Variants in NRG2 observed in about 807,000 individuals in gnomAD.
NRG2 encodes the protein pro-neuregulin-2, membrane-bound isoform.
A neutral mutation model predicts 73.9 loss-of-function variants in NRG2; 27 were observed. The observed-to-expected ratio is 0.37, with a 90% CI of 0.27 to 0.50. The LOEUF is 0.50. NRG2 is among the 20% of genes least tolerant of loss of function. The pLI, the probability that NRG2 is intolerant of heterozygous loss-of-function variation, is 0.96. For missense variants in NRG2, 1,126 were observed against 1,210.1 expected (o/e 0.93, Z 1.03); for synonymous variants, 532 against 541.0 (o/e 0.98, Z 0.23).
chr5:139,940,924 A>G (rs1289507412), intron 1 of NRG2, among the ~76,000 whole-genome samples: 1 of 152,232 alleles, frequency 6.6e-6, no homozygotes, highest in Non-Finnish European at 1.5e-5. Context: ...AGTGGTGGAC[A>G]GCGTCAGTAA....
At chr5:140,009,826 G>A (rs575216463) in intron 1 of NRG2, among the ~76,000 whole-genome samples, 1 of 152,294 alleles carries the variant, frequency 6.6e-6, no homozygotes, top group Non-Finnish European at 1.5e-5. Flanking sequence ...AAACTTAAAT[G>A]CATATTACTA....
At chr5:139,912,942 G>A (rs1309098249) in intron 1 of NRG2, among the ~76,000 whole-genome samples, 1 of 152,150 alleles carries the variant, frequency 6.6e-6, no homozygotes, top group Non-Finnish European at 1.5e-5. Flanking sequence ...TATGTTTCCA[G>A]CTCTAGGACC....
chr5:139,924,546 T>C (rs1353722923), intron 1 of NRG2, among the ~76,000 whole-genome samples: 6 of 152,178 alleles, frequency 3.9e-5, no homozygotes, highest in Admixed American at 3.9e-4. Context: ...GTTTCTTCCT[T>C]TGTGTTCTAA....
intron 1 of NRG2, among the ~76,000 whole-genome samples, chr5:139,952,602 C>T (rs995322508): frequency 6.6e-6 from 1 of 152,144 alleles, no homozygotes; most frequent in African/African-American, 2.4e-5. Flanking sequence ...AAGCAGGGAA[C>T]CTGATATTTA....
intron 1 of NRG2, among the ~76,000 whole-genome samples, chr5:139,920,951 T>C (rs1751614463): frequency 6.6e-6 from 1 of 152,198 alleles, no homozygotes; most frequent in South Asian, 2.1e-4. Flanking sequence ...TTCCTATATA[T>C]TAGCAATGAG....
chr5:139,961,999 A>G (rs1338083733), intron 1 of NRG2, among the ~76,000 whole-genome samples: 1 of 152,022 alleles, frequency 6.6e-6, no homozygotes, highest in Non-Finnish European at 1.5e-5. Flanking sequence ...TGCTTTCCTG[A>G]CCAGCACAGA....
At chr5:139,871,874 A>G (rs1023118390) in intron 3 of NRG2, 33 bp from the exon 4 acceptor site, 14 of 1,609,426 alleles carry the variant, frequency 8.7e-6, no homozygotes, top group African/African-American at 1.3e-5. Context: ...CCAGTGACGC[A>G]CTGAGACTAT....
intron 1 of NRG2, among the ~76,000 whole-genome samples, chr5:139,979,873 A>C (rs953073658): frequency 6.6e-6 from 1 of 152,254 alleles, no homozygotes; most frequent in African/African-American, 2.4e-5. Context: ...AGAAACTGTG[A>C]GATAACAAAT....
chr5:139,896,402 C>A (rs1326921214), intron 1 of NRG2, among the ~76,000 whole-genome samples: 1 of 152,108 alleles, frequency 6.6e-6, no homozygotes, highest in East Asian at 1.9e-4. Flanking sequence ...GCCCAGGCTG[C>A]CAGAGGCCCT....
At chr5:139,872,114 G>A (rs1762891460) in intron 3 of NRG2, among the ~76,000 whole-genome samples, 1 of 152,216 alleles carries the variant, frequency 6.6e-6, no homozygotes, top group African/African-American at 2.4e-5. Flanking sequence ...GGGGGGAGCA[G>A]GGTGAGAAGA....
intron 1 of NRG2, among the ~76,000 whole-genome samples, chr5:139,914,249 G>T (rs1276478727): frequency 6.6e-6 from 1 of 152,196 alleles, no homozygotes; most frequent in African/African-American, 2.4e-5. Context: ...AGAAAGGTCT[G>T]GAGGTGGGAT....
chr5:140,012,982 C>T (rs1169027032), intron 1 of NRG2, among the ~76,000 whole-genome samples: 1 of 152,166 alleles, frequency 6.6e-6, no homozygotes, highest in African/African-American at 2.4e-5. Context: ...GCCTGACAAT[C>T]ATACTGTACC....
chr5:140,001,545 A>C (rs1758475983), intron 1 of NRG2, among the ~76,000 whole-genome samples: 1 of 152,154 alleles, frequency 6.6e-6, no homozygotes, highest in Non-Finnish European at 1.5e-5. Flanking sequence ...AGTACCTGCT[A>C]TTTGCCAAGC....
chr5:139,848,775 G>GGGC, intron 9 of NRG2, 78 bp from the exon 10 acceptor site: 1 of 601,720 alleles, frequency 1.7e-6, no homozygotes, highest in Non-Finnish European at 2.4e-6. Flanking sequence ...GTGGGGTAGG[G>GGGC]TGGGAGGGGC....
chr5:139,979,016 C>T (rs560809279), intron 1 of NRG2, among the ~76,000 whole-genome samples: 56 of 139,828 alleles, frequency 4.0e-4, no homozygotes, highest in Non-Finnish European at 7.2e-4. Flanking sequence ...TGTTCTCACT[C>T]ATAGGTGGGA....
In NRG2 at chr5:139,868,032, G is replaced by A. The variant is rs1762600115; in HGVS notation, c.1113-2407C>T. ...TGACTACAGACTTACATCTTTCATG[G>A]CCGCTGAGTTGCACAACATTATGGT... On this transcript the variant is annotated intron_variant, in intron 4 of 9. Transcript: ENST00000361474. This position sits in a 1 kb window ranked among gnomAD's most constrained non-coding sequence, Gnocchi z 4.2. Among the ~76,000 whole-genome samples the A allele has an allele frequency of 6.6e-6, 1 of 152,076 alleles. No homozygotes were observed. The highest frequency in any genetic ancestry group is 1.5e-5 in the Non-Finnish European group (1 of 68,022).
intron 1 of NRG2, among the ~76,000 whole-genome samples, chr5:139,998,035 A>T (rs1466496280): frequency 6.6e-6 from 1 of 152,240 alleles, no homozygotes; most frequent in Non-Finnish European, 1.5e-5. Flanking sequence ...TAATCTGGCT[A>T]GGAGTCCAAA....
intron 1 of NRG2, among the ~76,000 whole-genome samples, chr5:139,987,529 T>C (rs1318234080): frequency 6.6e-6 from 1 of 152,136 alleles, no homozygotes; most frequent in Non-Finnish European, 1.5e-5. Flanking sequence ...CAGAGACTGC[T>C]GAGTAACCAC....
intron 1 of NRG2, among the ~76,000 whole-genome samples, chr5:139,895,475 AG>A (rs773813148): frequency 1.8e-4 from 28 of 152,312 alleles, no homozygotes; most frequent in Non-Finnish European, 2.5e-4. Flanking sequence ...CTGGGTTCTT[AG>A]CAGTGCTTGT....
Sources: gnomAD v4.1 joint callset for allele counts (sites outside exome capture counted in the v4.1 genomes callset) on GRCh38, gnomAD v4.1.1 for gene constraint, Gnocchi (gnomAD v3.1) non-coding constraint, MANE v1.5 for transcripts, NCBI Gene and HGNC (gene_info 2026-07-23, HGNC 2026-07-21) for gene names.